Variants in CCDC178 observed in about 807,000 individuals in gnomAD.
CCDC178 encodes the protein coiled-coil domain containing 178, also known as coiled-coil domain-containing protein 178.
A neutral mutation model predicts 117.4 loss-of-function variants in CCDC178; 126 were observed. The observed-to-expected ratio is 1.07, with a 90% CI of 0.93 to 1.24. CCDC178 has a LOEUF of 1.24. Ranked by LOEUF, CCDC178 falls within the 50% of genes most tolerant of loss-of-function variation. The probability of loss-of-function intolerance (pLI) is 0.00; values close to 1 mark genes in which losing one functional copy is unlikely to be tolerated. For synonymous variants in CCDC178, 283 were observed against 313.4 expected, an observed-to-expected ratio of 0.90 and a Z score of 1.02; for missense variants, 1,030 against 986.9, an observed-to-expected ratio of 1.04 and a Z score of -0.59.
chr18:33,063,620 C>T (rs757384140), intron 21 of CCDC178, among the ~76,000 whole-genome samples: 28 of 152,148 alleles, frequency 1.8e-4, no homozygotes, highest in Admixed American at 5.9e-4. Context: ...CCACTACACA[C>T]GCTGTACACA....
chr18:33,382,744 G>A (rs1337126367), intron 5 of CCDC178, among the ~76,000 whole-genome samples: 1 of 152,164 alleles, frequency 6.6e-6, no homozygotes, highest in East Asian at 1.9e-4. Flanking sequence ...ACAAAACTGG[G>A]TGACTGTTTG....
intron 11 of CCDC178, among the ~76,000 whole-genome samples, chr18:33,317,634 T>A (rs914653332): frequency 1.4e-4 from 21 of 152,224 alleles, no homozygotes; most frequent in African/African-American, 5.1e-4. Context: ...CCCTTTCCTG[T>A]AACAATATTA....
rs1000254891 is a variant in CCDC178 at position 32,967,551 on chromosome 18, T to C, written c.2523+6996A>G. Among the ~76,000 whole-genome samples the C allele has an allele frequency of 2.0e-5, 3 of 151,530 alleles. 1 individual carries two copies. Among genetic ancestry groups the C allele is most frequent in the Non-Finnish European group, 4.4e-5 (3 of 67,742 alleles). ...TTCTATTTGCTTGAAGTGCATTTCT[T>C]CTAAATAACATGAATTTTGCTTTTA... On this transcript the variant is annotated intron_variant, in intron 22 of 22. Coordinates refer to ENST00000383096, the MANE Select transcript of CCDC178 (RefSeq NM_001105528.4).
chr18:33,267,529 C>T (rs930369051), intron 12 of CCDC178, among the ~76,000 whole-genome samples: 3 of 151,268 alleles, frequency 2.0e-5, no homozygotes, highest in African/African-American at 7.3e-5. Context: ...GTCTAGTTTT[C>T]GTATCTTAAA....
intron 14 of CCDC178, among the ~76,000 whole-genome samples, chr18:33,256,038 G>A (rs1266093640): frequency 1.7e-5 from 1 of 59,356 alleles, no homozygotes; most frequent in African/African-American, 5.4e-5. Flanking sequence ...CAGGAAGAAA[G>A]GTCTATTTTG....
intron 20 of CCDC178, among the ~76,000 whole-genome samples, chr18:33,109,866 C>T (rs1409925885): frequency 6.6e-6 from 1 of 151,486 alleles, no homozygotes; most frequent in Non-Finnish European, 1.5e-5. Context: ...ATGCACTCTG[C>T]TGTCCATAAA....
Position 33,063,585 on chromosome 18 carries a change from A to G in CCDC178, c.2388+29176T>C, listed in dbSNP as rs368092363. The stretch of plus-strand genomic sequence containing the variant: ...GCCCATGTGCACCTCTCAGGGGCCC[A>G]AGGGTTGGCCTGCCACTATAACTAC... On this transcript the variant is annotated intron_variant, in intron 21 of 22. Transcript: ENST00000383096. Among the ~76,000 whole-genome samples the G allele has an allele frequency of 1.2e-4, 18 of 152,254 alleles. No individual in the cohort carries two copies. The East Asian group carries it at 3.3e-3, about 28-fold the overall frequency.
At chr18:33,003,999 A>G (rs555416414) in intron 21 of CCDC178, among the ~76,000 whole-genome samples, 1 of 152,240 alleles carries the variant, frequency 6.6e-6, no homozygotes, top group Non-Finnish European at 1.5e-5. Context: ...TGAAAACTAT[A>G]AAACATTGAT....
At chr18:32,979,653 G>A (rs1251668289) in intron 21 of CCDC178, among the ~76,000 whole-genome samples, 3 of 152,168 alleles carry the variant, frequency 2.0e-5, no homozygotes, top group Non-Finnish European at 4.4e-5. Context: ...TATGAGAAAA[G>A]AGTGTCATGG....
intron 12 of CCDC178, among the ~76,000 whole-genome samples, chr18:33,278,595 A>G (rs56720014): frequency 0.069 from 10,457 of 152,092 alleles, 556 homozygotes; most frequent in African/African-American, 0.14. Context: ...ATCATATACA[A>G]AACAAACACA....
chr18:33,029,036 C>A (rs543259924), intron 21 of CCDC178, among the ~76,000 whole-genome samples: 1 of 151,748 alleles, frequency 6.6e-6, no homozygotes, highest in Non-Finnish European at 1.5e-5. Flanking sequence ...TCCCATAGAA[C>A]GAGTTGGGAA....
intron 12 of CCDC178, among the ~76,000 whole-genome samples, chr18:33,280,283 G>C (rs1470454079): frequency 6.6e-6 from 1 of 152,166 alleles, no homozygotes. Context: ...CCATCAAAAA[G>C]TGGGTGAAGG....
intron 20 of CCDC178, among the ~76,000 whole-genome samples, chr18:33,132,455 A>G (rs1347288446): frequency 1.3e-5 from 2 of 151,710 alleles, no homozygotes; most frequent in Non-Finnish European, 3.0e-5. Flanking sequence ...TAAAGCATTT[A>G]TCAAGTTTTT....
rs564634441 is a variant in CCDC178, at chr18:33,207,664, G to A, written c.2238+4232C>T. 3.3e-5 allele frequency among the ~76,000 whole-genome samples: 5 copies of A among 151,650 alleles called. No individual in the cohort carries two copies. In the East Asian group the frequency reaches 7.8e-4, roughly 24 times the overall value. The stretch of plus-strand genomic sequence containing the variant: ...AAATAATTGCAATAGATGCTTCTAG[G>A]TAGTTAAAAAAATAAAAGCTAAAAA... On this transcript the variant is annotated intron_variant, in intron 20 of 22. Coordinates refer to ENST00000383096, the MANE Select transcript of CCDC178 (RefSeq NM_001105528.4).
chr18:33,179,114 A>AAC (rs2058702635), intron 20 of CCDC178, among the ~76,000 whole-genome samples: 1 of 88,934 alleles, frequency 1.1e-5, no homozygotes, highest in African/African-American at 6.9e-5. Flanking sequence ...TATATAAACT[A>AAC]TATATATATA....
At chr18:33,140,148 T>A (rs1045346835) in intron 20 of CCDC178, among the ~76,000 whole-genome samples, 3 of 152,110 alleles carry the variant, frequency 2.0e-5, no homozygotes, top group Non-Finnish European at 2.9e-5. Flanking sequence ...AGAGGATGTA[T>A]GGAAACACCT....
intron 21 of CCDC178, among the ~76,000 whole-genome samples, chr18:33,003,545 A>C (rs139675959): frequency 2.1e-3 from 323 of 152,264 alleles, no homozygotes; most frequent in African/African-American, 7.3e-3. Flanking sequence ...TCAATATAAT[A>C]AGAGCCATAT....
chr18:33,104,127 A>G (rs987126276), intron 20 of CCDC178, among the ~76,000 whole-genome samples: 1 of 151,808 alleles, frequency 6.6e-6, no homozygotes, highest in Non-Finnish European at 1.5e-5. Flanking sequence ...GTGAGTCTAC[A>G]TGGTCAGCAA....
intron 2 of CCDC178, among the ~76,000 whole-genome samples, chr18:33,418,611 G>C (rs961411850): frequency 6.6e-6 from 1 of 150,816 alleles, no homozygotes; most frequent in Non-Finnish European, 1.5e-5. Flanking sequence ...CTGCCCAAAA[G>C]GCTCCTAGAT....
Sources: allele counts gnomAD v4.1 joint callset (sites outside exome capture counted in the v4.1 genomes callset), GRCh38; gene constraint gnomAD v4.1.1; transcripts MANE v1.5; gene names NCBI Gene and HGNC (gene_info 2026-07-23, HGNC 2026-07-21).